SORCS2: variants seen among roughly 807,000 people sequenced by gnomAD.
SORCS2 encodes the protein sortilin related VPS10 domain containing receptor 2, also known as VPS10 domain-containing receptor SorCS2.
In SORCS2, 100 loss-of-function variants were observed where a neutral mutation model predicts 141.6. That is an observed-to-expected ratio of 0.71 (90% CI 0.60 to 0.83). The LOEUF is 0.83. Ranked by LOEUF, SORCS2 falls within the 40% of genes least tolerant of loss-of-function variation. SORCS2 has a pLI of 0.00. For missense variants in SORCS2, 1,646 were observed against 1,560.2 expected (o/e 1.05, Z -0.93); for synonymous variants, 789 against 676.9 (o/e 1.17, Z -2.57).
chr4:7,724,351 G>A lies in SORCS2; in HGVS notation c.2611+468G>A, dbSNP rs118142304. The stretch of plus-strand genomic sequence containing the variant: ...TAGGGTGATGGTGATGATGGTAACA[G>A]TAGTGGTAGTAATGGTGATGATGGT... On this transcript the variant is annotated intron_variant, in intron 19 of 26. Coordinates refer to ENST00000507866, the MANE Select transcript of SORCS2 (RefSeq NM_020777.3). 5.2e-4 allele frequency among the ~76,000 whole-genome samples: 76 copies of A among 147,384 alleles called. 2 individuals carry two copies. Among genetic ancestry groups the A allele is most frequent in the African/African-American group, 1.9e-3 (73 of 38,760 alleles).
At chr4:7,570,394 G>T (rs986777671) in intron 3 of SORCS2, among the ~76,000 whole-genome samples, 10 of 152,242 alleles carry the variant, frequency 6.6e-5, no homozygotes, top group African/African-American at 2.4e-4. Context: ...GCTGCCAGAG[G>T]CTGCTTCCGG....
chr4:7,623,839 C>T (rs145726794), intron 3 of SORCS2, among the ~76,000 whole-genome samples: 200 of 152,288 alleles, frequency 1.3e-3, no homozygotes, highest in African/African-American at 4.5e-3. Flanking sequence ...CCTTGCTCCA[C>T]CCCCAGCCCT....
intron 2 of SORCS2, among the ~76,000 whole-genome samples, chr4:7,523,158 G>T (rs1176608838): frequency 1.3e-5 from 2 of 150,880 alleles, no homozygotes; most frequent in Non-Finnish European, 3.0e-5. Flanking sequence ...GTTCTCCCAG[G>T]GATTTTGACA....
intron 18 of SORCS2, among the ~76,000 whole-genome samples, chr4:7,721,081 C>T (rs1046119998): frequency 5.9e-5 from 9 of 152,224 alleles, no homozygotes; most frequent in African/African-American, 7.2e-5. Context: ...AAACTCAAAC[C>T]GCCCAGGTGC....
At chr4:7,307,963 CTGAG>C (rs1420584694) in intron 1 of SORCS2, among the ~76,000 whole-genome samples, 1 of 151,936 alleles carries the variant, frequency 6.6e-6, no homozygotes, top group South Asian at 2.1e-4. Flanking sequence ...CAGTGTGTGT[CTGAG>C]TGTGTGTGCG....
At chr4:7,389,808 G>T (rs1405689552) in intron 1 of SORCS2, among the ~76,000 whole-genome samples, 4 of 152,306 alleles carry the variant, frequency 2.6e-5, no homozygotes, top group Admixed American at 2.6e-4. Context: ...ATGGCCAAGG[G>T]GGTGTGTTTG....
At chr4:7,705,031 C>CT (rs1174598026) in intron 14 of SORCS2, among the ~76,000 whole-genome samples, 1 of 151,780 alleles carries the variant, frequency 6.6e-6, no homozygotes, top group Non-Finnish European at 1.5e-5. Context: ...TTCCTGTTTC[C>CT]CGGAACCATG....
At chr4:7,566,164 G>A (rs1483864650) in intron 3 of SORCS2, among the ~76,000 whole-genome samples, 1 of 151,440 alleles carries the variant, frequency 6.6e-6, no homozygotes, top group East Asian at 1.9e-4. Context: ...TGTGATATTG[G>A]TGATGGTGAT....
chr4:7,448,061 C>T (rs112669397), intron 2 of SORCS2, among the ~76,000 whole-genome samples: 5,426 of 152,266 alleles, frequency 0.036, 198 homozygotes, highest in African/African-American at 0.095. Flanking sequence ...CTTCTTCACC[C>T]TGTGTTACGT....
At chr4:7,637,708 A>G (rs969495628) in intron 3 of SORCS2, among the ~76,000 whole-genome samples, 2 of 152,032 alleles carry the variant, frequency 1.3e-5, no homozygotes, top group Non-Finnish European at 2.9e-5. Flanking sequence ...TGAATGAATG[A>G]ATGAGTGAAT....
At chr4:7,282,615 G>C (rs534084415) in intron 1 of SORCS2, among the ~76,000 whole-genome samples, 1 of 152,170 alleles carries the variant, frequency 6.6e-6, no homozygotes, top group Non-Finnish European at 1.5e-5. Context: ...GGTGGGAGCC[G>C]GTGGGAAAGG....
At chr4:7,434,653 T>C (rs749774237) in intron 2 of SORCS2, 6 of 1,613,302 alleles carry the variant, frequency 3.7e-6, no homozygotes, top group South Asian at 3.3e-5. Flanking sequence ...GTTCAGCCCA[T>C]TGCCAGCGGC....
intron 3 of SORCS2, among the ~76,000 whole-genome samples, chr4:7,545,219 G>A (rs1303927192): frequency 1.3e-5 from 2 of 151,188 alleles, no homozygotes; most frequent in Admixed American, 6.6e-5. Context: ...ATAAAACAGA[G>A]AGGAAGGGAC....
At chr4:7,530,147 C>G (rs144060321) in intron 2 of SORCS2, among the ~76,000 whole-genome samples, 75 of 152,350 alleles carry the variant, frequency 4.9e-4, no homozygotes, top group African/African-American at 1.7e-3. Context: ...GTAGAAACCA[C>G]CAAAGATGTG....
chr4:7,542,633 C>T (rs986152306), intron 3 of SORCS2, among the ~76,000 whole-genome samples: 9 of 152,152 alleles, frequency 5.9e-5, no homozygotes, highest in African/African-American at 2.2e-4. Flanking sequence ...CACAGTCTCC[C>T]GAATTGTGAG....
chr4:7,732,978 C>T (rs1711820187), intron 23 of SORCS2, among the ~76,000 whole-genome samples: 1 of 151,146 alleles, frequency 6.6e-6, no homozygotes, highest in Non-Finnish European at 1.5e-5. Flanking sequence ...TGGTGGATCC[C>T]AGAGCCACCC....
chr4:7,656,057 G>A (rs1458605706), intron 5 of SORCS2, among the ~76,000 whole-genome samples: 5 of 152,208 alleles, frequency 3.3e-5, no homozygotes, highest in African/African-American at 9.6e-5. Flanking sequence ...ACAGCGGTGG[G>A]GATATCTCCC....
At chr4:7,444,802 C>T (rs920387853) in intron 2 of SORCS2, among the ~76,000 whole-genome samples, 2 of 152,220 alleles carry the variant, frequency 1.3e-5, no homozygotes, top group Non-Finnish European at 2.9e-5. Flanking sequence ...CCGTAGGTGA[C>T]AGGCTGCAGA....
chr4:7,601,184 T>C (rs1717641091), intron 3 of SORCS2, among the ~76,000 whole-genome samples: 1 of 152,218 alleles, frequency 6.6e-6, no homozygotes, highest in South Asian at 2.1e-4. Flanking sequence ...AGTATCTTTA[T>C]CTTCCTCTTA....
Sources: gnomAD v4.1 joint callset for allele counts (sites outside exome capture counted in the v4.1 genomes callset) on GRCh38, gnomAD v4.1.1 for gene constraint, MANE v1.5 for transcripts, NCBI Gene and HGNC (gene_info 2026-07-23, HGNC 2026-07-21) for gene names.